CTC1: variants seen among roughly 807,000 people sequenced by gnomAD.
CTC1 encodes CST telomere replication complex component 1, also known as CST complex subunit CTC1.
CTC1 carries 91 observed loss-of-function variants against 136.3 expected under a neutral mutation model. The ratio of observed to expected loss-of-function variants is 0.67; its 90% CI spans 0.56 to 0.79. CTC1 has a LOEUF of 0.79. Among genes scored for constraint, CTC1 ranks in the 30% least tolerant of loss-of-function variants. The probability of loss-of-function intolerance (pLI) is 0.00; values close to 1 mark genes in which losing one functional copy is unlikely to be tolerated. For missense variants in CTC1, 1,432 were observed against 1,498.1 expected (o/e 0.96, Z 0.73); for synonymous variants, 606 against 613.8 (o/e 0.99, Z 0.19).
At position 8,226,848 on chromosome 17, in the gene CTC1, T is replaced by TA. The variant is rs1480974933; in HGVS notation, c.*1331_*1332insT. On this transcript the variant is annotated 3_prime_UTR_variant, in exon 23 of 23. Transcript: ENST00000651323. ...CCCAGAGACTCCTCCCTCCAAGCCT[T>TA]CGGGAGCGCTAGTGATTCAGGGAAT... The TA allele has an allele frequency of 6.6e-6, 1 of 151,818 alleles. No homozygotes were observed. The highest frequency in any genetic ancestry group is 2.4e-5 in the African/African-American group (1 of 41,138). The allele number at this position is 151,818 out of a possible 1,614,324, so 9.4% of individuals were successfully genotyped here.
intron 5 of CTC1, among the ~76,000 whole-genome samples, chr17:8,237,123 G>A (rs1182379635): frequency 2.6e-5 from 4 of 151,378 alleles, no homozygotes; most frequent in South Asian, 2.1e-4. Flanking sequence ...ACAAGTGAGC[G>A]TGGCAGTTTT....
intron 1 of CTC1, among the ~76,000 whole-genome samples, chr17:8,246,827 A>T (rs1396732038): frequency 1.3e-5 from 2 of 151,768 alleles, no homozygotes; most frequent in Non-Finnish European, 2.9e-5. Context: ...AATCGCTTGA[A>T]CCTGGGAGGC....
At chr17:8,236,398 G>A in intron 5 of CTC1, 56 bp from the exon 6 acceptor site, 1 of 1,545,120 alleles carries the variant, frequency 6.5e-7, no homozygotes, top group Non-Finnish European at 8.7e-7. Flanking sequence ...CTGCCACTCT[G>A]CCAGAGTCCT....
At chr17:8,229,652 C>T (rs985724776) in intron 18 of CTC1, among the ~76,000 whole-genome samples, 2 of 152,116 alleles carry the variant, frequency 1.3e-5, no homozygotes, top group African/African-American at 4.8e-5. Context: ...TGATGTTAGC[C>T]AAGAAATATT....
Position 8,238,742 on chromosome 17 carries a change from C to G in CTC1, c.198-113G>C, listed in dbSNP as rs374242671. The G allele has an allele frequency of 2.7e-3, 2,000 of 742,370 alleles. 25 individuals carry two copies. In the South Asian group the frequency reaches 0.029, roughly 11 times the overall value. 46.0% of individuals were successfully genotyped at this position (742,370 alleles called of 1,614,324 possible). A position where few individuals can be genotyped will look rare whatever the true frequency, so the allele number is the denominator to read the frequency against. On this transcript the variant is annotated intron_variant, in intron 2 of 22. Transcript: ENST00000651323. ...AGGGAAAGGTTGCAGGGAACATGGACTAAGAGGTGAGTTTGATTGATTAAA... is the reference window on the plus strand; with the variant it reads ...AGGGAAAGGTTGCAGGGAACATGGAGTAAGAGGTGAGTTTGATTGATTAAA...
chr17:8,228,443 C>G, intron 22 of CTC1, 60 bp downstream of exon 22: 2 of 1,612,482 alleles, frequency 1.2e-6, no homozygotes, highest in Non-Finnish European at 1.7e-6. Context: ...TCCCAGGGAC[C>G]CATCTATCTC....
At chr17:8,246,657 C>T (rs1272534399) in intron 1 of CTC1, among the ~76,000 whole-genome samples, 2 of 152,020 alleles carry the variant, frequency 1.3e-5, no homozygotes, top group Non-Finnish European at 2.9e-5. Context: ...GAGGCCAAGG[C>T]GGGCAGATCA....
rs1315598261 is a variant in CTC1 at position 8,236,336 on chromosome 17, C to A, written c.799G>T (p.Ala267Ser). ...AGGGCTCTGTGCCACACCAGCTGGG[C>A]AGGGACCTGGCTTGTGCAGAGACAG... ...THVSIIVQVP[A>S]QLVWHRALRP... is the part of the protein sequence containing the mutation. The change falls in exon 6 of 23, where the codon GCC becomes TCC. Residue 267 changes from alanine to serine, a missense_variant. Transcript: ENST00000651323. 6.2e-7 allele frequency: 1 copy of A among 1,605,590 alleles called. No individual in the cohort carries two copies. The highest frequency in any genetic ancestry group is 1.1e-5 in the South Asian group (1 of 91,050).
At chr17:8,247,305 CTTTTTTTTTTT>C (rs772948223) in intron 1 of CTC1, among the ~76,000 whole-genome samples, 7 of 91,272 alleles carry the variant, frequency 7.7e-5, no homozygotes, top group Admixed American at 1.4e-4. Context: ...CCTTCCGGCG[CTTTTTTTTTTT>C]TTTTTTTTTT....
At chr17:8,233,159 A>C in intron 10 of CTC1, 127 bp from the exon 11 acceptor site, 1 of 1,023,640 alleles carries the variant, frequency 9.8e-7, no homozygotes, top group South Asian at 1.7e-5. Context: ...CTCTGGCTTC[A>C]AAAAACTTAT....
Position 8,237,438 on chromosome 17 carries a change from A to G in CTC1, c.729T>C (p.Ala243=). The G allele has an allele frequency of 6.2e-7, 1 of 1,614,008 alleles. No individual in the cohort carries two copies. Among genetic ancestry groups the G allele is most frequent in the Admixed American group, 1.7e-5 (1 of 59,996 alleles). ...LSALVKSKQK[A]YFILSLGRSH... Reference sequence around the variant, plus strand: ...ATCTACCAAGAGACAGGATGAAGTAAGCTTTCTGTTTACTTTTCACCAGAG... The same window carrying G: ...ATCTACCAAGAGACAGGATGAAGTAGGCTTTCTGTTTACTTTTCACCAGAG... The change falls in exon 5 of 23, where the codon GCT becomes GCC. Residue 243 remains alanine, a synonymous_variant. Transcript: ENST00000651323.
At chr17:8,233,387 G>C (rs1290109259) in intron 10 of CTC1, 1 of 193,918 alleles carries the variant, frequency 5.2e-6, no homozygotes, top group Non-Finnish European at 1.1e-5. Flanking sequence ...CACTTTGGGA[G>C]GCCAAGGCAG....
At chr17:8,247,670 G>T in intron 1 of CTC1, 1 of 262,728 alleles carries the variant, frequency 3.8e-6, no homozygotes, top group Non-Finnish European at 7.4e-6. Flanking sequence ...ACTTATTATG[G>T]TTGCCCTTTT....
At position 8,229,070 on chromosome 17, in the gene CTC1, T is replaced by C. The variant is rs111992807; in HGVS notation, c.3221+72A>G. ...TCTCATGAGCCAGGAATTATGCTAA[T>C]GTAGAAACTGCAGATAGACAAAGTG... On this transcript the variant is annotated intron_variant, in intron 20 of 22. Coordinates refer to ENST00000651323, the MANE Select transcript of CTC1 (RefSeq NM_025099.6). The C allele has an allele frequency of 0.015, 23,696 of 1,529,146 alleles. 241 individuals carry two copies. The highest frequency in any genetic ancestry group is 0.04 in the Middle Eastern group (174 of 4,304). 94.7% of individuals were successfully genotyped at this position (1,529,146 alleles called of 1,614,324 possible). A position where few individuals can be genotyped will look rare whatever the true frequency, so the allele number is the denominator to read the frequency against.
At chr17:8,244,427 C>A (rs62063135) in intron 1 of CTC1, among the ~76,000 whole-genome samples, 12,998 of 152,176 alleles carry the variant, frequency 0.085, 882 homozygotes, top group African/African-American at 0.18. Context: ...GGCAGTAGGC[C>A]CTTTATCCTT....
chr17:8,237,176 G>C (rs1987800245), intron 5 of CTC1, among the ~76,000 whole-genome samples, 199 bp downstream of exon 5: 1 of 152,074 alleles, frequency 6.6e-6, no homozygotes, highest in Admixed American at 6.6e-5. Flanking sequence ...GCTCAAGTGA[G>C]TTGCACAGCG....
intron 2 of CTC1, among the ~76,000 whole-genome samples, chr17:8,239,912 A>C (rs1257735889): frequency 6.6e-6 from 1 of 152,214 alleles, no homozygotes; most frequent in Non-Finnish European, 1.5e-5. Flanking sequence ...AGGCAAAGAC[A>C]GAAACTAATA....
At chr17:8,238,009 CA>C (rs1987893196) in intron 4 of CTC1, 21 bp downstream of exon 4, 1 of 1,592,094 alleles carries the variant, frequency 6.3e-7, no homozygotes, top group African/African-American at 1.3e-5. Flanking sequence ...GCGCCCCTGC[CA>C]TGCCTAGAGG....
rs1368833499 is a variant in CTC1, at chr17:8,229,912, A to C, written c.2990T>G (p.Phe997Cys). 6.2e-7 allele frequency: 1 copy of C among 1,614,136 alleles called. No individual in the cohort carries two copies. The highest frequency in any genetic ancestry group is 1.3e-5 in the African/African-American group (1 of 75,022). Residue 997 changes from phenylalanine (F) to cysteine (C), a missense_variant, in exon 18 of 23, where the codon TTT (phenylalanine) becomes TGT (cysteine). By Grantham distance (205) the Phe-to-Cys change is radical. Coordinates refer to ENST00000651323, the MANE Select transcript of CTC1 (RefSeq NM_025099.6). The stretch of plus-strand genomic sequence containing the variant: ...TGACCTGATGGTGGTCTCAGGGGGA[A>C]AACTCAGGACCTGCACATAAGTGGA... ...RSSTYVQVLSFPPETTISIPL... is the reference protein window; with the variant it reads ...RSSTYVQVLSCPPETTISIPL...
Sources: allele counts gnomAD v4.1 joint callset (sites outside exome capture counted in the v4.1 genomes callset), GRCh38; gene constraint gnomAD v4.1.1; transcripts MANE v1.5; gene names NCBI Gene and HGNC (gene_info 2026-07-23, HGNC 2026-07-21).